SCD5: variants seen among roughly 807,000 people sequenced by gnomAD.
SCD5 encodes the protein acyl-CoA-desaturase 4.
Under a neutral mutation model 30.4 loss-of-function variants are expected in SCD5, and 20 were observed. The observed-to-expected ratio is 0.66, with a 90% confidence interval of 0.46 to 0.96. SCD5 has a LOEUF of 0.96. SCD5 is among the 40% of genes least tolerant of loss of function. SCD5 has a pLI of 0.00. For synonymous variants in SCD5, 173 were observed against 176.4 expected (o/e 0.98, Z 0.16); for missense variants, 381 against 443.3 (o/e 0.86, Z 1.26).
chr4:82,666,610 C>G (rs1402603422), intron 3 of SCD5, among the ~76,000 whole-genome samples: 1 of 152,058 alleles, frequency 6.6e-6, no homozygotes, highest in Non-Finnish European at 1.5e-5. Flanking sequence ...TCGATAATAT[C>G]TAAATATTAG....
intron 1 of SCD5, among the ~76,000 whole-genome samples, chr4:82,727,596 A>T (rs1238062041): frequency 1.3e-5 from 2 of 152,208 alleles, no homozygotes; most frequent in Admixed American, 1.3e-4. Flanking sequence ...CCCCATTGAC[A>T]GGCAGTCAAA....
chr4:82,678,428 C>A (rs937958941), intron 3 of SCD5, among the ~76,000 whole-genome samples: 1 of 152,056 alleles, frequency 6.6e-6, no homozygotes, highest in Non-Finnish European at 1.5e-5. Flanking sequence ...CAGAGAAACC[C>A]AGACTATTAT....
rs555239178 is a variant in SCD5 at position 82,687,246 on chromosome 4, G to A, written c.364-6334C>T. ...AGAAAAGTACTTCTCAAAACACTAT[G>A]AATCCATTTTTAATAAAAAATATAA... On this transcript the variant is annotated intron_variant, in intron 2 of 4. Transcript: ENST00000319540. Among the ~76,000 whole-genome samples, 10 of 151,066 alleles carry A rather than the reference G, an allele frequency of 6.6e-5. No individual in the cohort carries two copies. In the South Asian group the frequency reaches 2.1e-3, roughly 32 times the overall value.
intron 1 of SCD5, among the ~76,000 whole-genome samples, chr4:82,757,211 T>A (rs1721251500): frequency 6.6e-6 from 1 of 152,198 alleles, no homozygotes; most frequent in Non-Finnish European, 1.5e-5. Flanking sequence ...TTCATCTCCA[T>A]CCTGCTGTTG....
At chr4:82,696,889 T>C (rs1361026442) in intron 2 of SCD5, among the ~76,000 whole-genome samples, 2 of 152,216 alleles carry the variant, frequency 1.3e-5, no homozygotes, top group Non-Finnish European at 2.9e-5. Context: ...TCAATGTCCA[T>C]AAACATTTTT....
At chr4:82,653,707 T>TAGATAGATAGATAGATAGATATAG (rs34976357) in intron 3 of SCD5, among the ~76,000 whole-genome samples, 3,831 of 61,190 alleles carry the variant, frequency 0.063, 75 homozygotes, top group East Asian at 0.15. Flanking sequence ...GATAGATAGA[T>TAGATAGATAGATAGATAGATATAG]ATAGATAGAT....
At chr4:82,729,547 T>C (rs1170245502) in intron 1 of SCD5, among the ~76,000 whole-genome samples, 3 of 152,130 alleles carry the variant, frequency 2.0e-5, no homozygotes, top group South Asian at 4.1e-4. Context: ...GTCAGTGGAA[T>C]AGTAAATATT....
At chr4:82,701,034 T>C (rs1359757911) in intron 2 of SCD5, among the ~76,000 whole-genome samples, 1 of 152,184 alleles carries the variant, frequency 6.6e-6, no homozygotes, top group African/African-American at 2.4e-5. Flanking sequence ...ACAATTTGTT[T>C]AGTGATTATA....
intron 1 of SCD5, among the ~76,000 whole-genome samples, chr4:82,730,703 A>G (rs1720622367): frequency 6.9e-6 from 1 of 145,654 alleles, no homozygotes; most frequent in South Asian, 2.1e-4. Flanking sequence ...CTCCTGCCTC[A>G]GCCTCCCGAG....
At chr4:82,785,988 C>G (rs184390343) in intron 1 of SCD5, among the ~76,000 whole-genome samples, 271 of 152,304 alleles carry the variant, frequency 1.8e-3, no homozygotes, top group Middle Eastern at 3.4e-3. Context: ...GGTTGATAAA[C>G]TATTCCACGG....
chr4:82,712,554 G>A (rs1194372637), intron 1 of SCD5, among the ~76,000 whole-genome samples: 1 of 151,372 alleles, frequency 6.6e-6, no homozygotes, highest in Non-Finnish European at 1.5e-5. Flanking sequence ...CTGACCTTGT[G>A]AGCTGCCCGC....
At chr4:82,695,613 G>A (rs754145937) in intron 2 of SCD5, among the ~76,000 whole-genome samples, 2 of 152,176 alleles carry the variant, frequency 1.3e-5, no homozygotes, top group Non-Finnish European at 2.9e-5. Flanking sequence ...CTGAGTTTGC[G>A]AAGCCTAAGT....
At chr4:82,782,846 T>C (rs1364190683) in intron 1 of SCD5, among the ~76,000 whole-genome samples, 3 of 152,184 alleles carry the variant, frequency 2.0e-5, no homozygotes, top group African/African-American at 4.8e-5. Context: ...TGCCTAAAAT[T>C]GCACCTGTTG....
At chr4:82,684,642 A>G (rs1728657497) in intron 2 of SCD5, among the ~76,000 whole-genome samples, 1 of 152,192 alleles carries the variant, frequency 6.6e-6, no homozygotes, top group South Asian at 2.1e-4. Context: ...GGGAAAGCTG[A>G]GGATTAATGA....
intron 2 of SCD5, among the ~76,000 whole-genome samples, chr4:82,693,616 A>G (rs1208334094): frequency 6.6e-6 from 1 of 152,178 alleles, no homozygotes; most frequent in Non-Finnish European, 1.5e-5. Flanking sequence ...ATCCAACCTC[A>G]TTATTATGTT....
At chr4:82,648,846 G>A (rs144230006) in intron 3 of SCD5, among the ~76,000 whole-genome samples, 13 of 152,154 alleles carry the variant, frequency 8.5e-5, no homozygotes, top group Non-Finnish European at 5.9e-5. Context: ...TGAAGGAGTC[G>A]GTCGTGCCGA....
At chr4:82,737,257 T>C (rs771791890) in intron 1 of SCD5, among the ~76,000 whole-genome samples, 8 of 152,250 alleles carry the variant, frequency 5.3e-5, no homozygotes, top group Non-Finnish European at 1.0e-4. Flanking sequence ...CTAAGGAGGC[T>C]GAGTCCTCTT....
chr4:82,730,796 A>G (rs904276391), intron 1 of SCD5, among the ~76,000 whole-genome samples: 31 of 151,990 alleles, frequency 2.0e-4, no homozygotes, highest in East Asian at 1.9e-4. Flanking sequence ...ATGTTAGCCA[A>G]GATGGTCTCG....
intron 1 of SCD5, among the ~76,000 whole-genome samples, chr4:82,756,138 T>C (rs1721228914): frequency 6.6e-6 from 1 of 152,112 alleles, no homozygotes; most frequent in South Asian, 2.1e-4. Context: ...GCAGGTGTAA[T>C]ATGGAAACCA....
Sources: gnomAD v4.1 joint callset for allele counts (sites outside exome capture counted in the v4.1 genomes callset) on GRCh38, gnomAD v4.1.1 for gene constraint, MANE v1.5 for transcripts, NCBI Gene and HGNC (gene_info 2026-07-23, HGNC 2026-07-21) for gene names.